Variants in PDE12 observed in about 807,000 individuals in gnomAD.
The protein encoded by PDE12 is phosphodiesterase 12.
Under a neutral mutation model 45.4 loss-of-function variants are expected in PDE12, and 26 were observed. That is an observed-to-expected ratio of 0.57 (90% confidence interval 0.42 to 0.79). The LOEUF (loss-of-function observed/expected upper bound fraction) is 0.79, where lower values mean the gene tolerates loss of function less well. PDE12 is among the 30% of genes least tolerant of loss of function. The pLI, the probability that PDE12 is intolerant of heterozygous loss-of-function variation, is 0.00. For missense variants in PDE12, 668 were observed against 790.0 expected (o/e 0.85, Z 1.85); for synonymous variants, 283 against 323.9 (o/e 0.87, Z 1.36).
At chr3:57,594,337 C>T in the PDE12 span, among the ~76,000 whole-genome samples, 1 of 152,218 alleles carries the variant, frequency 6.6e-6, no homozygotes. Context: ...ATCCTCCCAA[C>T]CTGGCCTCCC....
the PDE12 span, chr3:57,572,074 T>C: frequency 1.5e-6 from 1 of 649,682 alleles, no homozygotes; most frequent in Non-Finnish European, 2.7e-6. Context: ...TAAACAATAA[T>C]TGGCAACAAA....
the PDE12 span, among the ~76,000 whole-genome samples, chr3:57,629,568 G>A: frequency 1.5e-5 from 2 of 137,368 alleles, no homozygotes; most frequent in Non-Finnish European, 3.0e-5. Context: ...CTGGAGCACA[G>A]TGGCGCGATC....
the PDE12 span, among the ~76,000 whole-genome samples, chr3:57,624,961 G>A: frequency 6.6e-6 from 1 of 152,068 alleles, no homozygotes; most frequent in African/African-American, 2.4e-5. Flanking sequence ...GTGCAGTGGT[G>A]TGATTATGGC....
chr3:57,570,858 G>T (rs2069834297), downstream of PDE12, among the ~76,000 whole-genome samples: 1 of 152,020 alleles, frequency 6.6e-6, no homozygotes, highest in East Asian at 1.9e-4. Flanking sequence ...GAATTTTTTT[G>T]TTTAATTAAC....
chr3:57,593,197 C>G, the PDE12 span, among the ~76,000 whole-genome samples: 3 of 151,900 alleles, frequency 2.0e-5, no homozygotes, highest in African/African-American at 4.8e-5. Context: ...GGTGACAGAG[C>G]AAAACCCTGT....
chr3:57,646,577 T>C, the PDE12 span: 3 of 1,240,526 alleles, frequency 2.4e-6, no homozygotes, highest in Non-Finnish European at 3.2e-6. Flanking sequence ...CACAAATTCA[T>C]TTAGAATATG....
chr3:57,630,212 C>G, the PDE12 span: 1 of 473,316 alleles, frequency 2.1e-6, no homozygotes. Context: ...TCATAACACA[C>G]CTACCTCAAA....
At chr3:57,638,184 G>C in the PDE12 span, among the ~76,000 whole-genome samples, 17 of 151,262 alleles carry the variant, frequency 1.1e-4, no homozygotes, top group Non-Finnish European at 4.4e-5. Flanking sequence ...ACACCATCAA[G>C]AGAGCAAAAA....
the PDE12 span, among the ~76,000 whole-genome samples, chr3:57,588,996 G>A: frequency 6.6e-6 from 1 of 152,158 alleles, no homozygotes; most frequent in African/African-American, 2.4e-5. Context: ...CAGCTACTCG[G>A]GAGGCTGAGG....
the PDE12 span, among the ~76,000 whole-genome samples, chr3:57,605,359 G>A: frequency 6.6e-6 from 1 of 152,034 alleles, no homozygotes; most frequent in East Asian, 1.9e-4. Flanking sequence ...CCAAAACCAA[G>A]GGGAAAATCA....
chr3:57,569,586 C>T (rs1438857565), downstream of PDE12, among the ~76,000 whole-genome samples: 2 of 152,024 alleles, frequency 1.3e-5, no homozygotes, highest in Non-Finnish European at 2.9e-5. Context: ...GAACTCCCAA[C>T]CTCAGGTGAT....
the PDE12 span, among the ~76,000 whole-genome samples, chr3:57,599,275 G>C: frequency 6.6e-6 from 1 of 152,312 alleles, no homozygotes; most frequent in African/African-American, 2.4e-5. Context: ...GAGGCAGTCA[G>C]ATATGCGTTT....
chr3:57,623,430 G>A, the PDE12 span, among the ~76,000 whole-genome samples: 3 of 152,174 alleles, frequency 2.0e-5, no homozygotes, highest in East Asian at 5.8e-4. Flanking sequence ...TGTAATCCCA[G>A]CACTTTGGGA....
chr3:57,589,956 TG>T, the PDE12 span, among the ~76,000 whole-genome samples: 1 of 149,044 alleles, frequency 6.7e-6, no homozygotes, highest in Non-Finnish European at 1.5e-5. Context: ...CCAGGCATGG[TG>T]GCGGGCGCCT....
rs566577608 is a variant in PDE12, at chr3:57,560,577, C to T, written c.*573C>T. The T allele has an allele frequency of 5.8e-5, 48 of 825,388 alleles. 1 individual carries two copies. In the East Asian group the frequency reaches 1.9e-3, roughly 32 times the overall value. 51.1% of individuals were successfully genotyped at this position (825,388 alleles called of 1,614,324 possible). A position where few individuals can be genotyped will look rare whatever the true frequency, so the allele number is the denominator to read the frequency against. On this transcript the variant is annotated 3_prime_UTR_variant, in exon 3 of 3. Transcript: ENST00000311180. ...CTGACCTCAGGTGATCCACCCACCT[C>T]GGCCTCCCAAAGTGTTGGGATTACA...
chr3:57,628,845 G>A, the PDE12 span: 2 of 1,612,852 alleles, frequency 1.2e-6, no homozygotes, highest in South Asian at 1.1e-5. Context: ...AAGGTCTACT[G>A]TTTCTACTTC....
At chr3:57,588,322 TGG>T in the PDE12 span, among the ~76,000 whole-genome samples, 1 of 152,176 alleles carries the variant, frequency 6.6e-6, no homozygotes, top group African/African-American at 2.4e-5. Context: ...CCTAGCACTT[TGG>T]GAGGCTGAGG....
the PDE12 span, chr3:57,634,789 G>T: frequency 1.4e-5 from 21 of 1,522,832 alleles, no homozygotes. Context: ...GCAGCATAAA[G>T]ATTTTTATAA....
chr3:57,637,379 A>AT, the PDE12 span, among the ~76,000 whole-genome samples: 1 of 152,348 alleles, frequency 6.6e-6, no homozygotes, highest in South Asian at 2.1e-4. Context: ...ATCCCTTTAT[A>AT]TCAGGAGGAA....
Sources: allele counts gnomAD v4.1 joint callset (sites outside exome capture counted in the v4.1 genomes callset), GRCh38; gene constraint gnomAD v4.1.1; transcripts MANE v1.5; gene names NCBI Gene and HGNC (gene_info 2026-07-23, HGNC 2026-07-21).